ITGAD: variants seen among roughly 807,000 people sequenced by gnomAD.
The protein encoded by ITGAD is integrin alpha-D.
A neutral mutation model predicts 139.0 loss-of-function variants in ITGAD; 105 were observed. That is an observed-to-expected ratio of 0.76 (90% CI 0.65 to 0.89). The LOEUF is 0.89. Ranked by LOEUF, ITGAD falls within the 40% of genes least tolerant of loss-of-function variation. ITGAD has a pLI of 0.00. For missense variants in ITGAD, 1,384 were observed against 1,487.3 expected (o/e 0.93, Z 1.14); for synonymous variants, 569 against 598.3 (o/e 0.95, Z 0.71).
At chr16:31,414,695 G>C (rs1430989177) in intron 17 of ITGAD, 90 bp downstream of exon 17, 1 of 1,575,202 alleles carries the variant, frequency 6.3e-7, no homozygotes, top group African/African-American at 1.4e-5. Context: ...GAGGTGGGAA[G>C]GGTTAGGATG....
intron 18 of ITGAD, 132 bp from the exon 19 acceptor site, chr16:31,416,081 C>T (rs2081878158): frequency 1.6e-6 from 1 of 609,338 alleles, no homozygotes. Context: ...GCACCTGCGC[C>T]CCTTGTTGGT....
At chr16:31,406,817 C>A (rs1242831661) in intron 7 of ITGAD, among the ~76,000 whole-genome samples, 1 of 152,228 alleles carries the variant, frequency 6.6e-6, no homozygotes, top group South Asian at 2.1e-4. Flanking sequence ...GGGAGGGAAC[C>A]AGGTGTGGTT....
chr16:31,418,329 C>T lies in ITGAD; in HGVS notation c.2645C>T (p.Ser882Phe). Residue 882 changes from serine to phenylalanine, a missense_variant, in exon 22 of 30, where the codon TCC becomes TTC. Transcript: ENST00000389202. ...ACCTTCATAGTCACATTCGATGTCT[C>T]CTACAAGGCCACCCTGGGAGACAGG... is the stretch of plus-strand genomic sequence containing the variant. ...NGTFIVTFDV[S>F]YKATLGDRML... 2 of 1,614,118 alleles carry T rather than the reference C, an allele frequency of 1.2e-6. No homozygotes were observed. Among genetic ancestry groups the T allele is most frequent in the Non-Finnish European group, 1.7e-6 (2 of 1,180,020 alleles).
intron 13 of ITGAD, 29 bp downstream of exon 13, chr16:31,411,245 T>G (rs1367508181): frequency 6.2e-7 from 1 of 1,609,730 alleles, no homozygotes; most frequent in African/African-American, 1.3e-5. Flanking sequence ...CTAGGCTGGG[T>G]GGGGTCCGGT....
chr16:31,417,006 C>T (rs1174621199), intron 20 of ITGAD, among the ~76,000 whole-genome samples: 1 of 90,502 alleles, frequency 1.1e-5, no homozygotes, highest in African/African-American at 4.3e-5. Context: ...CCCCCTCCCT[C>T]CCCCCTCCCT....
In ITGAD at chr16:31,418,495, C is replaced by T. The variant is rs2081943865; in HGVS notation, c.2711C>T (p.Ala904Val). The T allele has an allele frequency of 6.2e-7, 1 of 1,613,848 alleles. No individual in the cohort carries two copies. The highest frequency in any genetic ancestry group is 8.5e-7 in the Non-Finnish European group (1 of 1,179,904). Residue 904 changes from alanine (A) to valine (V), a missense_variant, in exon 23 of 30, where the codon GCT becomes GTT. Transcript: ENST00000389202. ...RASASSENNK[A>V]SSSKATFQLE... Reference sequence around the variant, plus strand: ...TCTGTCTCCAGTGAGAACAATAAGGCTTCAAGCAGCAAGGCCACCTTCCAG... The same window carrying T: ...TCTGTCTCCAGTGAGAACAATAAGGTTTCAAGCAGCAAGGCCACCTTCCAG...
chr16:31,400,016 G>A (rs2081364529), intron 5 of ITGAD, among the ~76,000 whole-genome samples: 1 of 152,240 alleles, frequency 6.6e-6, no homozygotes, highest in Admixed American at 6.5e-5. Context: ...TTCTGCTAGT[G>A]GGAGACCAGG....
In ITGAD at chr16:31,407,849, G is replaced by C. The variant is rs2081579076; in HGVS notation, c.942G>C (p.Lys314Asn). Reference sequence around the variant, plus strand: ...CGCCTCCGCAGGACCACGTGTTCAAGGTGGACAACTTTGCAGCCCTTGGCA... The same window carrying C: ...CGCCTCCGCAGGACCACGTGTTCAACGTGGACAACTTTGCAGCCCTTGGCA... ...SSAPPQDHVF[K>N]VDNFAALGSI... Residue 314 changes from lysine to asparagine, a missense_variant, in exon 9 of 30, where the codon AAG becomes AAC. By Grantham distance (94) the Lys-to-Asn change is moderately conservative. Coordinates refer to ENST00000389202, the MANE Select transcript of ITGAD (RefSeq NM_005353.3). The C allele has an allele frequency of 4.4e-6, 7 of 1,608,600 alleles. No homozygotes were observed. Among genetic ancestry groups the C allele is most frequent in the Non-Finnish European group, 6.0e-6 (7 of 1,175,454 alleles).
At position 31,418,428 on chromosome 16, in the gene ITGAD, T is replaced by C. The variant is rs751746886; in HGVS notation, c.2696+48T>C. 8.1e-6 allele frequency: 13 copies of C among 1,607,192 alleles called. No individual in the cohort carries two copies. The East Asian group carries it at 2.5e-4, about 30-fold the overall frequency. On this transcript the variant is annotated intron_variant, in intron 22 of 29. Transcript: ENST00000389202. Reference sequence around the variant, plus strand: ...CCCACCCTCCATCGCATGCCCCGGCTAGAGACCCCTCTCCTGGATTCCTTC... The same window carrying C: ...CCCACCCTCCATCGCATGCCCCGGCCAGAGACCCCTCTCCTGGATTCCTTC...
rs750831866 is a variant in ITGAD, at chr16:31,403,624, C to T, written c.683C>T (p.Ala228Val). 2.5e-6 allele frequency: 4 copies of T among 1,614,154 alleles called. No homozygotes were observed. The highest frequency in any genetic ancestry group is 3.4e-6 in the Non-Finnish European group (4 of 1,180,034). ...IVQLKGLTFTATGILTVVTQL... is the reference protein window; with the variant it reads ...IVQLKGLTFTVTGILTVVTQL... The stretch of plus-strand genomic sequence containing the variant: ...CAACTGAAAGGCCTGACGTTCACGG[C>T]CACGGGCATCCTGACAGTGGTGTAA... The change falls in exon 7 of 30, where the codon GCC (alanine) becomes GTC (valine). Residue 228 changes from alanine (A) to valine (V), a missense_variant. Physicochemically the swap from Ala to Val is moderately conservative, Grantham distance 64. Coordinates refer to ENST00000389202, the MANE Select transcript of ITGAD (RefSeq NM_005353.3). This position sits in a 1 kb window ranked among gnomAD's most constrained non-coding sequence, Gnocchi z 4.4.
chr16:31,406,068 G>A (rs1473375929), intron 7 of ITGAD, among the ~76,000 whole-genome samples: 4 of 150,390 alleles, frequency 2.7e-5, no homozygotes, highest in Non-Finnish European at 3.0e-5. Context: ...TGAGCAGGTA[G>A]TTACTTTTTT....
At chr16:31,416,105 C>A in intron 18 of ITGAD, 108 bp from the exon 19 acceptor site, 1 of 847,574 alleles carries the variant, frequency 1.2e-6, no homozygotes, top group Non-Finnish European at 1.9e-6. Context: ...CAGCAAAGTG[C>A]TGGGGGCAGT....
intron 2 of ITGAD, 45 bp downstream of exon 2, chr16:31,394,386 T>C (rs1475184058): frequency 6.9e-7 from 1 of 1,443,540 alleles, no homozygotes; most frequent in Admixed American, 1.7e-5. Context: ...CTACATCAAG[T>C]CCTGTGGATG....
chr16:31,396,026 C>T (rs140282882), intron 2 of ITGAD, among the ~76,000 whole-genome samples: 82 of 152,230 alleles, frequency 5.4e-4, no homozygotes, highest in African/African-American at 1.9e-3. Flanking sequence ...TACACATGTG[C>T]GTGCCTGGGT....
At position 31,414,437 on chromosome 16, in the gene ITGAD, C is replaced by A; in HGVS notation, c.1997-14C>A. The A allele has an allele frequency of 6.2e-7, 1 of 1,613,028 alleles. No homozygotes were observed. Among genetic ancestry groups the A allele is most frequent in the Non-Finnish European group, 8.5e-7 (1 of 1,179,152 alleles). On this transcript the variant is annotated splice_polypyrimidine_tract_variant and intron_variant, in intron 16 of 29. Transcript: ENST00000389202. Reference sequence around the variant, plus strand: ...TTTCTGCCTTTTCATTTTGCACTCTCCCCTGCACTTCAGGTGACATCCAAA... The same window carrying A: ...TTTCTGCCTTTTCATTTTGCACTCTACCCTGCACTTCAGGTGACATCCAAA...
At position 31,418,394 on chromosome 16, in the gene ITGAD, A is replaced by G; in HGVS notation, c.2696+14A>G. 2 of 1,613,146 alleles carry G rather than the reference A, an allele frequency of 1.2e-6. No homozygotes were observed. The highest frequency in any genetic ancestry group is 1.7e-6 in the Non-Finnish European group (2 of 1,179,154). ...CAGTGCAAGCAGGTGGGTCCAGGCCAGGGTATCCCCCACCCTCCATCGCAT... is the reference window on the plus strand; with the variant it reads ...CAGTGCAAGCAGGTGGGTCCAGGCCGGGGTATCCCCCACCCTCCATCGCAT... On this transcript the variant is annotated intron_variant, in intron 22 of 29. Coordinates refer to ENST00000389202, the MANE Select transcript of ITGAD (RefSeq NM_005353.3).
At position 31,410,789 on chromosome 16, in the gene ITGAD, G is replaced by A. The variant is rs998068799; in HGVS notation, c.1267G>A (p.Ala423Thr). Reference protein sequence around the residue: ...WKGVQNLVLGAPRYQHTGKAV... With the variant: ...WKGVQNLVLGTPRYQHTGKAV... ...GGGGGTACAGAACCTGGTCCTGGGG[G>A]CCCCCCGCTACCAGCATACCGGGAA... Residue 423 changes from alanine (A) to threonine (T), a missense_variant, in exon 12 of 30, where the codon GCC (alanine) becomes ACC (threonine). By Grantham distance (58) the Ala-to-Thr change is moderately conservative. Transcript: ENST00000389202. 1.2e-6 allele frequency: 2 copies of A among 1,613,712 alleles called. No individual in the cohort carries two copies. The highest frequency in any genetic ancestry group is 1.7e-4 in the Middle Eastern group (1 of 5,916).
chr16:31,397,740 G>A (rs2081306363), intron 4 of ITGAD, 55 bp from the exon 5 acceptor site: 2 of 1,593,614 alleles, frequency 1.3e-6, no homozygotes, highest in African/African-American at 1.3e-5. Flanking sequence ...CTGGGGCTGG[G>A]AGTGAAGGAG....
intron 20 of ITGAD, among the ~76,000 whole-genome samples, chr16:31,417,235 T>TATTC (rs1191569940): frequency 6.8e-6 from 1 of 146,708 alleles, no homozygotes; most frequent in Non-Finnish European, 1.5e-5. Flanking sequence ...TTTATTTATT[T>TATTC]ATTTATTTAT....
Sources: allele counts gnomAD v4.1 joint callset (sites outside exome capture counted in the v4.1 genomes callset), GRCh38; gene constraint gnomAD v4.1.1; non-coding constraint Gnocchi (gnomAD v3.1); transcripts MANE v1.5; gene names NCBI Gene and HGNC (gene_info 2026-07-23, HGNC 2026-07-21).